The following LARP1B variants were observed in gnomAD, a reference collection of about 807,000 sequenced individuals.
LARP1B encodes la-related protein 1B.
Under a neutral mutation model 114.2 loss-of-function variants are expected in LARP1B, and 76 were observed. That is an observed-to-expected ratio of 0.67 (90% CI 0.55 to 0.81). The LOEUF (loss-of-function observed/expected upper bound fraction) is 0.81. Among genes scored for constraint, LARP1B ranks in the 30% least tolerant of loss-of-function variants. LARP1B has a pLI of 0.00. For missense variants in LARP1B, 1,014 were observed against 1,075.8 expected, an observed-to-expected ratio of 0.94 and a Z score of 0.80; for synonymous variants, 345 against 348.0, an observed-to-expected ratio of 0.99 and a Z score of 0.10.
At chr4:128,124,206 G>A (rs1421608464) in intron 11 of LARP1B, among the ~76,000 whole-genome samples, 1 of 152,070 alleles carries the variant, frequency 6.6e-6, no homozygotes, top group Non-Finnish European at 1.5e-5. Context: ...CAGCTAACTG[G>A]GGGAACAGAC....
rs1314345058 is a variant in LARP1B, at chr4:128,211,398, T to C, written c.*1345T>C. On this transcript the variant is annotated 3_prime_UTR_variant, in exon 20 of 20. Transcript: ENST00000326639. ...ATAAATTATAATATTGAAATACATA[T>C]AATCTTTGGATGGATGGGCTGTTAA... is the stretch of plus-strand genomic sequence containing the variant. 2 of 921,498 alleles carry C rather than the reference T, an allele frequency of 2.2e-6. No individual in the cohort carries two copies. The highest frequency in any genetic ancestry group is 3.6e-5 in the African/African-American group (2 of 55,972). 57.1% of individuals were successfully genotyped at this position (921,498 alleles called of 1,614,324 possible).
At chr4:128,107,750 A>G in intron 9 of LARP1B, 3 of 1,486,228 alleles carry the variant, frequency 2.0e-6, no homozygotes, top group East Asian at 2.5e-5. Flanking sequence ...CCTGCATTCT[A>G]AATTAGAATT....
intron 4 of LARP1B, among the ~76,000 whole-genome samples, chr4:128,081,278 C>T (rs569131824): frequency 6.6e-6 from 1 of 151,374 alleles, no homozygotes; most frequent in African/African-American, 2.4e-5. Flanking sequence ...GGGGTTTCAC[C>T]ATGTTTGCCA....
At chr4:128,192,137 G>T (rs569849016) in intron 15 of LARP1B, among the ~76,000 whole-genome samples, 63 of 152,236 alleles carry the variant, frequency 4.1e-4, no homozygotes, top group South Asian at 1.9e-3. Context: ...TGACATCATT[G>T]TCTCAATAAA....
chr4:128,186,227 A>G (rs986856735), intron 15 of LARP1B, among the ~76,000 whole-genome samples: 1 of 126,414 alleles, frequency 7.9e-6, no homozygotes, highest in African/African-American at 2.7e-5. Context: ...TTTGATAGGG[A>G]TGGAATTAAA....
intron 15 of LARP1B, among the ~76,000 whole-genome samples, chr4:128,198,108 C>T (rs1379494595): frequency 6.6e-6 from 1 of 152,088 alleles, no homozygotes; most frequent in African/African-American, 2.4e-5. Context: ...TGGTCTCGAA[C>T]TCCTGACCTC....
intron 12 of LARP1B, among the ~76,000 whole-genome samples, chr4:128,162,538 T>G (rs1738945920): frequency 6.6e-6 from 1 of 152,130 alleles, no homozygotes. Context: ...GCAGAATTTG[T>G]TGGTTCTTTA....
intron 11 of LARP1B, among the ~76,000 whole-genome samples, chr4:128,132,585 C>A (rs971483712): frequency 6.6e-6 from 1 of 151,796 alleles, no homozygotes; most frequent in Non-Finnish European, 1.5e-5. Flanking sequence ...GATCTTTTTT[C>A]TCTAACCTGC....
chr4:128,206,967 C>A, intron 18 of LARP1B: 1 of 395,388 alleles, frequency 2.5e-6, no homozygotes, highest in Non-Finnish European at 3.4e-6. Context: ...CCTACCCTTG[C>A]TAGCCTCAGT....
chr4:128,065,329 C>CTTT (rs1561013021), intron 1 of LARP1B, among the ~76,000 whole-genome samples: 1 of 106,292 alleles, frequency 9.4e-6, no homozygotes, highest in Non-Finnish European at 2.0e-5. Context: ...CTCTCTCTCT[C>CTTT]TCTTTCCTTT....
At chr4:128,204,645 A>C (rs998979557) in intron 17 of LARP1B, among the ~76,000 whole-genome samples, 2 of 151,624 alleles carry the variant, frequency 1.3e-5, no homozygotes, top group Non-Finnish European at 2.9e-5. Flanking sequence ...ACAAGAGTAA[A>C]ACTCTGTCTC....
At chr4:128,182,145 A>C (rs1581375254) in intron 15 of LARP1B, among the ~76,000 whole-genome samples, 6 of 107,398 alleles carry the variant, frequency 5.6e-5, no homozygotes, top group Admixed American at 2.6e-4. Context: ...ACAGAGTCTC[A>C]CTCTGTTGCA....
chr4:128,112,438 A>T (rs974326687), intron 9 of LARP1B, among the ~76,000 whole-genome samples: 1 of 146,792 alleles, frequency 6.8e-6, no homozygotes, highest in Admixed American at 6.8e-5. Flanking sequence ...GAAGTGATAG[A>T]TAACTGCATA....
chr4:128,207,071 A>G (rs1757814808), intron 18 of LARP1B, among the ~76,000 whole-genome samples, 185 bp from the exon 19 acceptor site: 1 of 152,234 alleles, frequency 6.6e-6, no homozygotes, highest in African/African-American at 2.4e-5. Flanking sequence ...AATGCTTGTT[A>G]CATAACAAAT....
chr4:128,160,141 G>T (rs1241656404), intron 11 of LARP1B, among the ~76,000 whole-genome samples: 1 of 152,216 alleles, frequency 6.6e-6, no homozygotes, highest in Non-Finnish European at 1.5e-5. Flanking sequence ...TAGGCAATAT[G>T]TAAACAAATG....
chr4:128,084,044 G>A (rs1424215873), intron 5 of LARP1B, among the ~76,000 whole-genome samples: 14 of 152,046 alleles, frequency 9.2e-5, no homozygotes, highest in Admixed American at 6.5e-4. Context: ...GGGCAGAGAC[G>A]CTCCTCACTT....
intron 11 of LARP1B, chr4:128,156,238 C>G (rs943125369): frequency 1.5e-4 from 209 of 1,413,476 alleles, no homozygotes; most frequent in Non-Finnish European, 1.8e-5. Flanking sequence ...AGGTGCCACC[C>G]TAAGCAACGT....
chr4:128,159,926 ATTTG>A (rs1737652180), intron 11 of LARP1B, among the ~76,000 whole-genome samples: 1 of 152,208 alleles, frequency 6.6e-6, no homozygotes, highest in Non-Finnish European at 1.5e-5. Flanking sequence ...ATTTATAGGA[ATTTG>A]TTTGTAATAG....
chr4:128,092,647 C>G (rs1776307124), intron 7 of LARP1B: 2 of 320,626 alleles, frequency 6.2e-6, no homozygotes, highest in Non-Finnish European at 9.0e-6. Context: ...AAAATAGACT[C>G]TACTCTGTTA....
Sources: gnomAD v4.1 joint callset for allele counts (sites outside exome capture counted in the v4.1 genomes callset) on GRCh38, gnomAD v4.1.1 for gene constraint, MANE v1.5 for transcripts, NCBI Gene and HGNC (gene_info 2026-07-23, HGNC 2026-07-21) for gene names.